Variants in TADA1 observed in about 807,000 individuals in gnomAD.
TADA1 encodes transcriptional adaptor 1.
A neutral mutation model predicts 39.3 loss-of-function variants in TADA1; 23 were observed. That is an observed-to-expected ratio of 0.58 (90% CI 0.42 to 0.83). TADA1 has a LOEUF of 0.83. Ranked by LOEUF, TADA1 falls within the 40% of genes least tolerant of loss-of-function variation. The pLI, the probability that TADA1 is intolerant of heterozygous loss-of-function variation, is 0.00. For synonymous variants in TADA1, 137 were observed against 151.8 expected (o/e 0.90, Z 0.72); for missense variants, 352 against 408.1 (o/e 0.86, Z 1.18).
At chr1:166,875,770 T>C (rs1658749761) in intron 1 of TADA1, among the ~76,000 whole-genome samples, 1 of 152,160 alleles carries the variant, frequency 6.6e-6, no homozygotes, top group African/African-American at 2.4e-5. Flanking sequence ...CGGGCCGCCC[T>C]GCGCTATGCC....
At chr1:166,867,624 GC>G (rs922729098) in intron 3 of TADA1, among the ~76,000 whole-genome samples, 9 of 149,486 alleles carry the variant, frequency 6.0e-5, no homozygotes, top group African/African-American at 2.2e-4. Flanking sequence ...TCACTCTGTC[GC>G]CCAGGCTGAA....
chr1:166,858,262 G>A lies in TADA1; in HGVS notation c.712C>T (p.Pro238Ser), dbSNP rs1486859949. 3 of 1,570,366 alleles carry A rather than the reference G, an allele frequency of 1.9e-6. No individual in the cohort carries two copies. Among genetic ancestry groups the A allele is most frequent in the Admixed American group, 4.0e-5 (2 of 49,664 alleles). ...GAAGCTGGATTCTGACCAGCACAGG[G>A]AGCAGTAAAAGCTGGAGGGCTGAAA... ...LIESPPAFTA[P>S]CAGQNPASHP... is the part of the protein sequence containing the mutation. The change falls in exon 7 of 8, where the codon CCC (proline) becomes TCC (serine). Residue 238 changes from proline (P) to serine (S), a missense_variant. Around this residue, in one of 3 missense-constraint regions of TADA1, gnomAD observed 285 missense variants for 310.9 expected, o/e 0.92. Coordinates refer to ENST00000367874, the MANE Select transcript of TADA1 (RefSeq NM_053053.4).
intron 1 of TADA1, among the ~76,000 whole-genome samples, chr1:166,873,444 G>C (rs1658697781): frequency 6.6e-6 from 1 of 152,092 alleles, no homozygotes; most frequent in Non-Finnish European, 1.5e-5. Context: ...CAGACATGAA[G>C]GATGTTCAGA....
At chr1:166,867,585 AT>A (rs761995627) in intron 3 of TADA1, among the ~76,000 whole-genome samples, 1,523 of 141,736 alleles carry the variant, frequency 0.011, 7 homozygotes, top group African/African-American at 0.017. Flanking sequence ...TCTTATGTGA[AT>A]TTTTTTTTTT....
At chr1:166,861,410 T>G (rs906699835) in intron 5 of TADA1, among the ~76,000 whole-genome samples, 1 of 152,174 alleles carries the variant, frequency 6.6e-6, no homozygotes, top group Admixed American at 6.5e-5. Flanking sequence ...GCTCAGAGAA[T>G]TGAAAATCCA....
At chr1:166,858,343 G>A (rs1658331421) in intron 6 of TADA1, 62 bp from the exon 7 acceptor site, 3 of 1,302,902 alleles carry the variant, frequency 2.3e-6, no homozygotes, top group Non-Finnish European at 3.1e-6. Context: ...AAGGACAGGA[G>A]TGGCCTGCTA....
chr1:166,864,393 G>C (rs1263089572), intron 3 of TADA1, among the ~76,000 whole-genome samples: 7 of 152,144 alleles, frequency 4.6e-5, no homozygotes, highest in Non-Finnish European at 1.0e-4. Context: ...GGACTAAAAG[G>C]GTGCAGACTC....
At chr1:166,859,848 A>G (rs887587643) in intron 6 of TADA1, among the ~76,000 whole-genome samples, 1 of 151,784 alleles carries the variant, frequency 6.6e-6, no homozygotes, top group African/African-American at 2.4e-5. Flanking sequence ...AACTGAAAGC[A>G]GGCTCACTTC....
At chr1:166,872,888 T>C (rs1400578818) in intron 1 of TADA1, among the ~76,000 whole-genome samples, 3 of 152,190 alleles carry the variant, frequency 2.0e-5, no homozygotes, top group Non-Finnish European at 4.4e-5. Flanking sequence ...ACAAAGCCAA[T>C]CAATCCCTGT....
chr1:166,872,443 G>A lies in TADA1; in HGVS notation c.75-2589C>T, dbSNP rs150075949. Among the ~76,000 whole-genome samples the A allele has an allele frequency of 2.1e-3, 317 of 152,270 alleles. 2 individuals are homozygous for A. The highest frequency in any genetic ancestry group is 4.6e-3 in the Admixed American group (70 of 15,292). ...TCTCAGGACTTTAGCAGGCCAAGGCGGGCGGATCACCTGAGGTCAGGAGTT... is the reference window on the plus strand; with the variant it reads ...TCTCAGGACTTTAGCAGGCCAAGGCAGGCGGATCACCTGAGGTCAGGAGTT... On this transcript the variant is annotated intron_variant, in intron 1 of 7. Coordinates refer to ENST00000367874, the MANE Select transcript of TADA1 (RefSeq NM_053053.4).
chr1:166,876,240 G>T lies in TADA1; in HGVS notation c.-7C>A. On this transcript the variant is annotated 5_prime_UTR_variant, in exon 1 of 8. Transcript: ENST00000367874. Reference sequence around the variant, plus strand: ...CGCTCACAAAGGTCGCCATTGCTCCGCGTGTCTCAGCCCGACCGCAGACCG... The same window carrying T: ...CGCTCACAAAGGTCGCCATTGCTCCTCGTGTCTCAGCCCGACCGCAGACCG... 2 of 1,612,476 alleles carry T rather than the reference G, an allele frequency of 1.2e-6. No homozygotes were observed. The highest frequency in any genetic ancestry group is 1.3e-5 in the African/African-American group (1 of 74,982).
intron 3 of TADA1, among the ~76,000 whole-genome samples, chr1:166,867,580 T>C (rs558325842): frequency 3.3e-5 from 5 of 151,660 alleles, no homozygotes; most frequent in African/African-American, 1.2e-4. Context: ...GGAGATCTTA[T>C]GTGAATTTTT....
intron 1 of TADA1, 70 bp downstream of exon 1, chr1:166,876,090 C>T: frequency 2.8e-6 from 4 of 1,451,258 alleles, no homozygotes; most frequent in Non-Finnish European, 3.7e-6. Context: ...GTCTCCGGGG[C>T]GGGCTGGCAG....
At position 166,869,798 on chromosome 1, in the gene TADA1, T is replaced by C; in HGVS notation, c.131A>G (p.Asp44Gly). The C allele has an allele frequency of 6.2e-7, 1 of 1,614,038 alleles. No individual in the cohort carries two copies. Among genetic ancestry groups the C allele is most frequent in the Non-Finnish European group, 8.5e-7 (1 of 1,180,002 alleles). The change falls in exon 2 of 8, where the codon GAC becomes GGC. Residue 44 changes from aspartate (D) to glycine (G), a missense_variant. Asp to Gly is a moderately conservative substitution (Grantham distance 94). Transcript: ENST00000367874. The part of the protein sequence containing the change: ...FKQKISKEEF[D>G]LEAHRLLTQD... ...TGTGAGAAGTCTATGAGCTTCAAGG[T>C]CAAACTCCTCTTTGCTGATCTTCTG...
chr1:166,857,728 A>T lies in TADA1; in HGVS notation c.856-9T>A, dbSNP rs770516587. ...ATGACTTCCCTGTGCACCTGGGATT[A>T]AAAAATTAACGCATGTCCAATTATA... On this transcript the variant is annotated splice_polypyrimidine_tract_variant and intron_variant, in intron 7 of 7. Coordinates refer to ENST00000367874, the MANE Select transcript of TADA1 (RefSeq NM_053053.4). 1.2e-6 allele frequency: 2 copies of T among 1,608,114 alleles called. No homozygotes were observed. Among genetic ancestry groups the T allele is most frequent in the African/African-American group, 2.7e-5 (2 of 74,732 alleles).
In TADA1 at chr1:166,856,671, A is replaced by G. The variant is rs1658285681; in HGVS notation, c.*896T>C. On this transcript the variant is annotated 3_prime_UTR_variant, in exon 8 of 8. Transcript: ENST00000367874. Reference sequence around the variant, plus strand: ...CTATCAACACTATCCCTTAAGTAAAAAGCAACATATCTCTTAAGTAGGTTT... The same window carrying G: ...CTATCAACACTATCCCTTAAGTAAAGAGCAACATATCTCTTAAGTAGGTTT... 6.6e-6 allele frequency: 1 copy of G among 152,658 alleles called. No individual in the cohort carries two copies. Among genetic ancestry groups the G allele is most frequent in the African/African-American group, 2.4e-5 (1 of 41,454 alleles). 9.5% of individuals were successfully genotyped at this position (152,658 alleles called of 1,614,324 possible). A position where few individuals can be genotyped will look rare whatever the true frequency, so the allele number is the denominator to read the frequency against.
At chr1:166,867,605 AAC>A (rs975579970) in intron 3 of TADA1, among the ~76,000 whole-genome samples, 3 of 151,066 alleles carry the variant, frequency 2.0e-5, no homozygotes, top group African/African-American at 4.9e-5. Flanking sequence ...TTTTTTTTTA[AAC>A]ACAGTTTCAC....
At chr1:166,871,800 A>T (rs940279811) in intron 1 of TADA1, among the ~76,000 whole-genome samples, 6 of 152,202 alleles carry the variant, frequency 3.9e-5, no homozygotes, top group Admixed American at 1.3e-4. Flanking sequence ...AGAAAACCAA[A>T]GGTCTTTTCC....
At chr1:166,863,793 C>T (rs192921265) in intron 4 of TADA1, 31 bp downstream of exon 4, 1 of 1,593,734 alleles carries the variant, frequency 6.3e-7, no homozygotes, top group East Asian at 2.2e-5. Flanking sequence ...TTCAATCAGT[C>T]ATTATCAAGA....
Sources: gnomAD v4.1 joint callset for allele counts (sites outside exome capture counted in the v4.1 genomes callset) on GRCh38, gnomAD v4.1.1 for gene constraint, gnomAD v4.1.1 regional missense constraint, MANE v1.5 for transcripts, NCBI Gene and HGNC (gene_info 2026-07-23, HGNC 2026-07-21) for gene names.